Variants in NAV2 observed in about 807,000 individuals in gnomAD.
NAV2 encodes helicase, APC down-regulated 1.
In NAV2, 54 loss-of-function variants were observed where a neutral mutation model predicts 223.2. The ratio of observed to expected loss-of-function variants is 0.24; its 90% confidence interval spans 0.19 to 0.30. The LOEUF is 0.30. Among genes scored for constraint, NAV2 ranks in the 10% least tolerant of loss-of-function variants. The pLI, the probability that NAV2 is intolerant of heterozygous loss-of-function variation, is 1.00. For missense variants in NAV2, 2,806 were observed against 3,147.5 expected (o/e 0.89, Z 2.60); for synonymous variants, 1,279 against 1,239.3 (o/e 1.03, Z -0.67).
rs895326283 is a variant in NAV2 at position 19,727,910 on chromosome 11, T to A, written c.267+13948T>A. Among the ~76,000 whole-genome samples, 45 of 152,212 alleles carry A rather than the reference T, an allele frequency of 3.0e-4. 1 individual carries two copies. Among genetic ancestry groups the A allele is most frequent in the Admixed American group, 2.4e-3 (37 of 15,294 alleles). ...GGAAGGAAGGTAGTAGAGGATGCTG[T>A]GGAGCACTTTTTGGTTTCTCCTAGC... On this transcript the variant is annotated intron_variant, in intron 1 of 37. Coordinates refer to ENST00000349880, the MANE Select transcript of NAV2 (RefSeq NM_145117.5).
chr11:19,961,694 CCT>C, intron 10 of NAV2, among the ~76,000 whole-genome samples: 1 of 152,298 alleles, frequency 6.6e-6, no homozygotes, highest in Non-Finnish European at 1.5e-5. Context: ...CTGTGGCGCA[CCT>C]CTCAGGTGTG....
At chr11:19,986,252 A>G (rs941520975) in intron 11 of NAV2, among the ~76,000 whole-genome samples, 10 of 152,220 alleles carry the variant, frequency 6.6e-5, no homozygotes, top group Admixed American at 1.3e-4. Flanking sequence ...TTCAGCCTGT[A>G]TGGTTAAACC....
intron 1 of NAV2, among the ~76,000 whole-genome samples, chr11:19,445,336 G>T (rs1471322243): frequency 1.3e-5 from 2 of 152,104 alleles, no homozygotes; most frequent in Non-Finnish European, 2.9e-5. Context: ...AGAGCACTGT[G>T]CTGGACACTG....
intron 1 of NAV2, among the ~76,000 whole-genome samples, chr11:19,677,676 C>T (rs919372467): frequency 1.3e-5 from 2 of 152,234 alleles, no homozygotes; most frequent in African/African-American, 2.4e-5. Flanking sequence ...AGAAGACTCA[C>T]AGCCCTGACT....
chr11:19,756,954 C>G (rs2054281778), intron 1 of NAV2, among the ~76,000 whole-genome samples: 1 of 152,078 alleles, frequency 6.6e-6, no homozygotes, highest in African/African-American at 2.4e-5. Context: ...TTTCTGAGGA[C>G]AGAGGCTGAG....
intron 1 of NAV2, among the ~76,000 whole-genome samples, chr11:19,670,125 G>A (rs944002741): frequency 6.6e-6 from 1 of 152,032 alleles, no homozygotes. Flanking sequence ...CATATGCCAC[G>A]CACACTGTGT....
Position 20,083,183 on chromosome 11 carries a change from A to C in NAV2, c.5498+4A>C. 6.2e-7 allele frequency: 1 copy of C among 1,611,148 alleles called. No homozygotes were observed. The highest frequency in any genetic ancestry group is 8.5e-7 in the Non-Finnish European group (1 of 1,178,412). ...GGAATTCTCACTCCAACTCTCTGTA[A>C]GTCTGTCTGTCTAGTCAGATAACAT... is the stretch of plus-strand genomic sequence containing the variant. On this transcript the variant is annotated splice_donor_region_variant and intron_variant, in intron 26 of 37. Transcript: ENST00000349880.
At position 19,887,847 on chromosome 11, in the gene NAV2, C is replaced by T. The variant is rs953549407; in HGVS notation, c.771-4587C>T. 5.3e-5 allele frequency among the ~76,000 whole-genome samples: 8 copies of T among 152,164 alleles called. No individual in the cohort carries two copies. The East Asian group carries it at 9.7e-4, about 18-fold the overall frequency. The stretch of plus-strand genomic sequence containing the variant: ...GGCAAAAAGCATCTCTGATTATGAC[C>T]GCCCCCCGCCAAACCCCAGCATGTG... On this transcript the variant is annotated intron_variant, in intron 5 of 37. Transcript: ENST00000349880.
At chr11:19,453,123 C>T (rs1246975825) in intron 1 of NAV2, among the ~76,000 whole-genome samples, 1 of 152,198 alleles carries the variant, frequency 6.6e-6, no homozygotes, top group East Asian at 1.9e-4. Flanking sequence ...GGGATTGCTA[C>T]ATGACATTGC....
At chr11:20,015,050 T>C (rs973449614) in intron 11 of NAV2, among the ~76,000 whole-genome samples, 1 of 152,210 alleles carries the variant, frequency 6.6e-6, no homozygotes, top group African/African-American at 2.4e-5. Flanking sequence ...GAGCTGAGAT[T>C]GTGTCACTGC....
intron 11 of NAV2, 44 bp from the exon 12 acceptor site, chr11:20,035,915 C>T: frequency 6.2e-7 from 1 of 1,612,164 alleles, no homozygotes; most frequent in Non-Finnish European, 8.5e-7. Context: ...TGAGCTGGAA[C>T]AGCCTGAGGT....
At position 19,500,953 on chromosome 11, in the gene NAV2, G is replaced by A. The variant is rs562457251; in HGVS notation, c.75+149926G>A. Among the ~76,000 whole-genome samples, 13 of 152,270 alleles carry A rather than the reference G, an allele frequency of 8.5e-5. No individual in the cohort carries two copies. The South Asian group carries it at 1.2e-3, about 15-fold the overall frequency. On this transcript the variant is annotated intron_variant, in intron 1 of 37. Transcript: ENST00000360655. ...TTTCATAGGTTAGAAGTCTGACAGCGTCTCACTGGGCTAAAATCAAGGCAT... is the reference window on the plus strand; with the variant it reads ...TTTCATAGGTTAGAAGTCTGACAGCATCTCACTGGGCTAAAATCAAGGCAT...
rs949271725 is a variant in NAV2 at position 19,673,839 on chromosome 11, AG to A, written c.76-158642del. Among the ~76,000 whole-genome samples, 19 of 152,202 alleles carry A rather than the reference AG, an allele frequency of 1.2e-4. 1 individual carries two copies. Among genetic ancestry groups the A allele is most frequent in the Admixed American group, 3.9e-4 (6 of 15,282 alleles). On this transcript the variant is annotated intron_variant, in intron 1 of 37. Transcript: ENST00000360655. ...CAGGGTCCCAGGATCCTTTCAGGCCAGGGTGAGCAAGCCCTATTAGAAACAA... is the reference window on the plus strand; with the variant it reads ...CAGGGTCCCAGGATCCTTTCAGGCCAGGTGAGCAAGCCCTATTAGAAACAA...
chr11:19,684,226 A>G (rs1267062335), intron 1 of NAV2, among the ~76,000 whole-genome samples: 1 of 152,226 alleles, frequency 6.6e-6, no homozygotes, highest in Non-Finnish European at 1.5e-5. Context: ...AAATAGAATT[A>G]TACTTCCTTT....
At chr11:20,013,337 T>C (rs2053729510) in intron 11 of NAV2, among the ~76,000 whole-genome samples, 1 of 152,244 alleles carries the variant, frequency 6.6e-6, no homozygotes, top group African/African-American at 2.4e-5. Flanking sequence ...TTAACTTCTC[T>C]TCTTCCATTC....
At position 19,491,817 on chromosome 11, in the gene NAV2, A is replaced by C. The variant is rs527273456; in HGVS notation, c.75+140790A>C. 3.3e-5 allele frequency among the ~76,000 whole-genome samples: 5 copies of C among 152,256 alleles called. No homozygotes were observed. The South Asian group carries it at 8.3e-4, about 25-fold the overall frequency. ...GGCTTTCAACATGCCTTCCTCACTA[A>C]GCTTAATAGTTTCTAGCTTTTGATT... On this transcript the variant is annotated intron_variant, in intron 1 of 37. Transcript: ENST00000360655.
At chr11:19,999,978 C>T (rs938343681) in intron 11 of NAV2, among the ~76,000 whole-genome samples, 1 of 152,218 alleles carries the variant, frequency 6.6e-6, no homozygotes, top group Non-Finnish European at 1.5e-5. Context: ...AGCCCCAGGT[C>T]CAGCACCGTG....
chr11:19,441,287 C>T (rs1851391367), intron 1 of NAV2, among the ~76,000 whole-genome samples: 1 of 152,134 alleles, frequency 6.6e-6, no homozygotes, highest in South Asian at 2.1e-4. Context: ...TACAAGGTCT[C>T]TCAGCCATGT....
chr11:19,607,294 T>G (rs1014605984), intron 1 of NAV2, among the ~76,000 whole-genome samples: 8 of 152,220 alleles, frequency 5.3e-5, no homozygotes, highest in African/African-American at 1.7e-4. Context: ...GGGAGCCCTC[T>G]TGGCCCAGAG....
Sources: allele counts gnomAD v4.1 joint callset (sites outside exome capture counted in the v4.1 genomes callset), GRCh38; gene constraint gnomAD v4.1.1; transcripts MANE v1.5; gene names NCBI Gene and HGNC (gene_info 2026-07-23, HGNC 2026-07-21).